The following BMP5 variants were observed in gnomAD, a reference collection of about 807,000 sequenced individuals.
The protein encoded by BMP5 is bone morphogenetic protein 5.
Under a neutral mutation model 46.6 loss-of-function variants are expected in BMP5, and 23 were observed. That is an observed-to-expected ratio of 0.49 (90% CI 0.35 to 0.70). The LOEUF (loss-of-function observed/expected upper bound fraction) is 0.70. Among genes scored for constraint, BMP5 ranks in the 30% least tolerant of loss-of-function variants. The probability of loss-of-function intolerance (pLI) is 0.00; values close to 1 mark genes in which losing one functional copy is unlikely to be tolerated. For synonymous variants in BMP5, 204 were observed against 191.9 expected (o/e 1.06, Z -0.52); for missense variants, 545 against 565.6 (o/e 0.96, Z 0.37).
intron 1 of BMP5, among the ~76,000 whole-genome samples, chr6:55,858,060 A>G (rs1777441351): frequency 6.6e-6 from 1 of 152,210 alleles, no homozygotes; most frequent in Admixed American, 6.5e-5. Context: ...ACAGTGTTAT[A>G]AATGAGGTAT....
chr6:55,815,313 T>C (rs1273477114), intron 2 of BMP5, among the ~76,000 whole-genome samples: 1 of 152,114 alleles, frequency 6.6e-6, no homozygotes, highest in African/African-American at 2.4e-5. Context: ...GTAACACTAC[T>C]CAATAGCAGA....
intron 1 of BMP5, among the ~76,000 whole-genome samples, chr6:55,856,651 A>C (rs1777405715): frequency 6.6e-6 from 1 of 151,994 alleles, no homozygotes; most frequent in Non-Finnish European, 1.5e-5. Context: ...ATAGTGTTGA[A>C]CATTTTCTTA....
chr6:55,786,830 T>C (rs903619863), intron 3 of BMP5, among the ~76,000 whole-genome samples: 2 of 151,700 alleles, frequency 1.3e-5, no homozygotes, highest in African/African-American at 2.4e-5. Context: ...TTAAAACCAA[T>C]TGTCATCACC....
chr6:55,792,752 A>G (rs1426054363), intron 3 of BMP5, among the ~76,000 whole-genome samples: 1 of 152,118 alleles, frequency 6.6e-6, no homozygotes, highest in Non-Finnish European at 1.5e-5. Context: ...TCCTTGAAAA[A>G]GGTCCAAGAC....
At chr6:55,837,454 G>T (rs559955479) in intron 1 of BMP5, among the ~76,000 whole-genome samples, 1 of 151,876 alleles carries the variant, frequency 6.6e-6, no homozygotes, top group Admixed American at 6.6e-5. Flanking sequence ...TGGCTAAATC[G>T]GCCAAGTCTT....
At chr6:55,871,641 G>C (rs919528109) in intron 1 of BMP5, among the ~76,000 whole-genome samples, 1 of 151,588 alleles carries the variant, frequency 6.6e-6, no homozygotes, top group East Asian at 1.9e-4. Context: ...TCTGAGTTTG[G>C]ATTAAGTTTA....
At chr6:55,841,223 G>C (rs1776943395) in intron 1 of BMP5, among the ~76,000 whole-genome samples, 1 of 152,026 alleles carries the variant, frequency 6.6e-6, no homozygotes, top group Non-Finnish European at 1.5e-5. Context: ...AAAGGTTAGG[G>C]GCTGCTGTTT....
chr6:55,792,377 C>A (rs549838782), intron 3 of BMP5, among the ~76,000 whole-genome samples: 177 of 151,812 alleles, frequency 1.2e-3, no homozygotes, highest in Admixed American at 1.8e-3. Context: ...ACTAAAAATA[C>A]AAAAAAATTA....
At chr6:55,789,684 G>T (rs1775530702) in intron 3 of BMP5, among the ~76,000 whole-genome samples, 1 of 151,880 alleles carries the variant, frequency 6.6e-6, no homozygotes, top group Non-Finnish European at 1.5e-5. Context: ...TATCATAGAG[G>T]TTTATTAACC....
At chr6:55,820,182 T>A (rs1383967280) in intron 1 of BMP5, among the ~76,000 whole-genome samples, 1 of 152,074 alleles carries the variant, frequency 6.6e-6, no homozygotes, top group Non-Finnish European at 1.5e-5. Context: ...TATACAGAAA[T>A]TCTGAATATG....
intron 1 of BMP5, among the ~76,000 whole-genome samples, chr6:55,829,424 C>G (rs1438221839): frequency 6.6e-6 from 1 of 151,538 alleles, no homozygotes; most frequent in Non-Finnish European, 1.5e-5. Context: ...AATTCAAAAG[C>G]AGAACCCCTC....
chr6:55,836,001 T>A (rs1213918899), intron 1 of BMP5, among the ~76,000 whole-genome samples: 1 of 152,198 alleles, frequency 6.6e-6, no homozygotes, highest in Non-Finnish European at 1.5e-5. Flanking sequence ...ATTTTCTTTC[T>A]TAAATATTAA....
At chr6:55,817,353 A>T (rs1176274631) in intron 2 of BMP5, among the ~76,000 whole-genome samples, 1 of 152,232 alleles carries the variant, frequency 6.6e-6, no homozygotes, top group African/African-American at 2.4e-5. Context: ...GCCAACCCAA[A>T]TGTCCATCAA....
At chr6:55,871,507 C>A (rs2127556726) in intron 1 of BMP5, among the ~76,000 whole-genome samples, 1 of 151,968 alleles carries the variant, frequency 6.6e-6, no homozygotes, top group East Asian at 1.9e-4. Flanking sequence ...CAGATGTCTG[C>A]ATGCCTTAGG....
intron 2 of BMP5, among the ~76,000 whole-genome samples, chr6:55,800,455 TG>T (rs1483321754): frequency 1.3e-5 from 2 of 152,220 alleles, no homozygotes; most frequent in African/African-American, 4.8e-5. Context: ...TGCTCTAATT[TG>T]TTTGATCTTT....
intron 1 of BMP5, among the ~76,000 whole-genome samples, chr6:55,865,964 C>G (rs1270315591): frequency 1.3e-5 from 2 of 152,098 alleles, no homozygotes; most frequent in East Asian, 3.9e-4. Context: ...TAAGGGAGAA[C>G]CAAATGACCC....
In BMP5 at chr6:55,807,244, C is replaced by A. The variant is rs556101172; in HGVS notation, c.683+12411G>T. Reference sequence around the variant, plus strand: ...TCTTATTATTTTGAGATTTTTTCATCAATACCTAATTTATTGAGAGTTTTT... The same window carrying A: ...TCTTATTATTTTGAGATTTTTTCATAAATACCTAATTTATTGAGAGTTTTT... On this transcript the variant is annotated intron_variant, in intron 2 of 6. Coordinates refer to ENST00000370830, the MANE Select transcript of BMP5 (RefSeq NM_021073.4). Among the ~76,000 whole-genome samples, 78 of 152,198 alleles carry A rather than the reference C, an allele frequency of 5.1e-4. No individual in the cohort carries two copies. The South Asian group carries it at 0.016, about 31-fold the overall frequency.
At chr6:55,819,498 A>G (rs751819505) in intron 2 of BMP5, among the ~76,000 whole-genome samples, 157 bp downstream of exon 2, 1 of 152,154 alleles carries the variant, frequency 6.6e-6, no homozygotes, top group Non-Finnish European at 1.5e-5. Flanking sequence ...TTTCAGATCG[A>G]TTACGGTTAC....
At chr6:55,809,869 C>T (rs948323018) in intron 2 of BMP5, among the ~76,000 whole-genome samples, 2 of 152,120 alleles carry the variant, frequency 1.3e-5, no homozygotes, top group Non-Finnish European at 2.9e-5. Context: ...TTGTAGTCCA[C>T]AACGACATCT....
Sources: gnomAD v4.1 joint callset for allele counts (sites outside exome capture counted in the v4.1 genomes callset) on GRCh38, gnomAD v4.1.1 for gene constraint, MANE v1.5 for transcripts, NCBI Gene and HGNC (gene_info 2026-07-23, HGNC 2026-07-21) for gene names.